Variants in NARS2 observed in about 807,000 individuals in gnomAD.
NARS2 encodes the protein asparaginyl-tRNA synthetase 2, mitochondrial.
In NARS2, 60 loss-of-function variants were observed where a neutral mutation model predicts 62.9. That is an observed-to-expected ratio of 0.95 (90% CI 0.77 to 1.18). NARS2 has a LOEUF of 1.18. Among genes scored for constraint, NARS2 ranks in the 50% most tolerant of loss-of-function variants. The pLI, the probability that NARS2 is intolerant of heterozygous loss-of-function variation, is 0.00. For missense variants in NARS2, 619 were observed against 576.4 expected, an observed-to-expected ratio of 1.07 and a Z score of -0.76; for synonymous variants, 196 against 200.0, an observed-to-expected ratio of 0.98 and a Z score of 0.17.
intron 5 of NARS2, among the ~76,000 whole-genome samples, chr11:78,551,187 T>C (rs1368690273): frequency 1.3e-5 from 2 of 152,230 alleles, no homozygotes; most frequent in South Asian, 2.1e-4. Context: ...TGCAACTTTA[T>C]ACAGTTGTGC....
At chr11:78,532,921 A>G (rs114046652) in intron 5 of NARS2, among the ~76,000 whole-genome samples, 1,646 of 152,332 alleles carry the variant, frequency 0.011, 35 homozygotes, top group African/African-American at 0.039. Context: ...TTCTACTTAT[A>G]TAAGTGAAGC....
chr11:78,563,919 T>C (rs1366679754), intron 4 of NARS2, among the ~76,000 whole-genome samples: 1 of 107,190 alleles, frequency 9.3e-6, no homozygotes, highest in Non-Finnish European at 2.0e-5. Context: ...TTATTATTAT[T>C]GAGATGGAAT....
chr11:78,457,307 T>C lies in NARS2; in HGVS notation c.1164+8569A>G, dbSNP rs543813187. Among the ~76,000 whole-genome samples the C allele has an allele frequency of 2.0e-4, 31 of 152,352 alleles. No individual in the cohort carries two copies. In the East Asian group the frequency reaches 5.6e-3, roughly 27 times the overall value. On this transcript the variant is annotated intron_variant, in intron 11 of 13. Transcript: ENST00000281038. Reference sequence around the variant, plus strand: ...TCCCCATCCTTCTCTTTTGGTTCCCTAAAGAAGGCACCTATGAAACACACC... The same window carrying C: ...TCCCCATCCTTCTCTTTTGGTTCCCCAAAGAAGGCACCTATGAAACACACC...
intron 6 of NARS2, among the ~76,000 whole-genome samples, chr11:78,523,392 T>C (rs1861195662): frequency 6.6e-6 from 1 of 152,224 alleles, no homozygotes; most frequent in Non-Finnish European, 1.5e-5. Flanking sequence ...GTCCAGCCTC[T>C]GTGGAAAACA....
At chr11:78,459,460 G>A (rs1473194997) in intron 11 of NARS2, among the ~76,000 whole-genome samples, 1 of 150,564 alleles carries the variant, frequency 6.6e-6, no homozygotes, top group Non-Finnish European at 1.5e-5. Context: ...AGTAGAGACG[G>A]GGTTTCTCCA....
chr11:78,528,058 A>G (rs1861352554), intron 6 of NARS2, among the ~76,000 whole-genome samples: 1 of 152,118 alleles, frequency 6.6e-6, no homozygotes, highest in South Asian at 2.1e-4. Flanking sequence ...CAGCCTTGGT[A>G]CATAGCAAGA....
At chr11:78,492,531 T>C (rs1046318018) in intron 7 of NARS2, among the ~76,000 whole-genome samples, 1 of 152,234 alleles carries the variant, frequency 6.6e-6, no homozygotes, top group African/African-American at 2.4e-5. Context: ...ATCTGTTGCC[T>C]GACCATGACC....
intron 5 of NARS2, among the ~76,000 whole-genome samples, chr11:78,535,629 G>A (rs1223498440): frequency 2.6e-5 from 4 of 151,002 alleles, no homozygotes; most frequent in South Asian, 2.1e-4. Context: ...GATCCAGAAA[G>A]CTCTTTTTTT....
chr11:78,440,573 C>T (rs1464468885), intron 13 of NARS2, among the ~76,000 whole-genome samples: 1 of 151,850 alleles, frequency 6.6e-6, no homozygotes, highest in African/African-American at 2.4e-5. Flanking sequence ...GCTCTTGTCC[C>T]CCAAGCTGGA....
At chr11:78,549,747 A>G (rs1344337272) in intron 5 of NARS2, among the ~76,000 whole-genome samples, 2 of 152,154 alleles carry the variant, frequency 1.3e-5, no homozygotes, top group Non-Finnish European at 1.5e-5. Flanking sequence ...GTCAGGGGAA[A>G]AGACAGCCAA....
intron 11 of NARS2, among the ~76,000 whole-genome samples, chr11:78,451,484 G>C (rs966526976): frequency 6.6e-6 from 1 of 152,154 alleles, no homozygotes; most frequent in African/African-American, 2.4e-5. Flanking sequence ...CAAGTTATTG[G>C]GAGCCGGTTA....
chr11:78,548,952 C>T (rs1190988500), intron 5 of NARS2, among the ~76,000 whole-genome samples: 1 of 152,178 alleles, frequency 6.6e-6, no homozygotes, highest in Non-Finnish European at 1.5e-5. Flanking sequence ...CCTCCTTTCC[C>T]CTCACAGCTT....
At chr11:78,482,929 A>G (rs1317616224) in intron 7 of NARS2, among the ~76,000 whole-genome samples, 1 of 152,186 alleles carries the variant, frequency 6.6e-6, no homozygotes, top group Non-Finnish European at 1.5e-5. Flanking sequence ...TGGCAGAGAC[A>G]CAACAAAAAA....
intron 6 of NARS2, among the ~76,000 whole-genome samples, chr11:78,528,454 A>C (rs546524026): frequency 1.3e-5 from 2 of 152,326 alleles, no homozygotes; most frequent in African/African-American, 4.8e-5. Flanking sequence ...ATTTTATTTA[A>C]ACCAATTACT....
intron 10 of NARS2, among the ~76,000 whole-genome samples, 163 bp from the exon 11 acceptor site, chr11:78,466,176 T>C (rs1003580493): frequency 2.0e-5 from 3 of 151,956 alleles, no homozygotes; most frequent in African/African-American, 4.8e-5. Context: ...AAGAGAGAGA[T>C]ATTTGTTAAC....
rs1279403756 is a variant in NARS2, at chr11:78,541,359, C to G, written c.595-12423G>C. 3.4e-5 allele frequency among the ~76,000 whole-genome samples: 5 copies of G among 147,580 alleles called. No individual in the cohort carries two copies. In the East Asian group the frequency reaches 9.8e-4, roughly 29 times the overall value. The stretch of plus-strand genomic sequence containing the variant: ...TTTTTTTTTTTTTTTGAGATAAGGT[C>G]TTGCTATGTCGCCCAGGCTGGTCTT... On this transcript the variant is annotated intron_variant, in intron 5 of 13. Coordinates refer to ENST00000281038, the MANE Select transcript of NARS2 (RefSeq NM_024678.6).
intron 10 of NARS2, among the ~76,000 whole-genome samples, chr11:78,467,432 G>C (rs927760356): frequency 3.3e-5 from 5 of 152,064 alleles, no homozygotes; most frequent in African/African-American, 1.2e-4. Context: ...AGATAGTTGG[G>C]AGACTGAGTT....
At chr11:78,574,317 G>T in intron 1 of NARS2, 31 bp downstream of exon 1, 3 of 1,614,068 alleles carry the variant, frequency 1.9e-6, no homozygotes, top group Non-Finnish European at 2.5e-6. Context: ...GTCCCTACAA[G>T]AAAAAACCCA....
At chr11:78,542,413 C>T (rs986482407) in intron 5 of NARS2, among the ~76,000 whole-genome samples, 5 of 151,954 alleles carry the variant, frequency 3.3e-5, no homozygotes, top group African/African-American at 7.3e-5. Flanking sequence ...GTAAAGGGGT[C>T]GGTGAAAAAT....
Sources: allele counts gnomAD v4.1 joint callset (sites outside exome capture counted in the v4.1 genomes callset), GRCh38; gene constraint gnomAD v4.1.1; transcripts MANE v1.5; gene names NCBI Gene and HGNC (gene_info 2026-07-23, HGNC 2026-07-21).